MTMR3: variants seen among roughly 807,000 people sequenced by gnomAD.
MTMR3 encodes phosphatidylinositol-3,5-bisphosphate 3-phosphatase MTMR3.
MTMR3 carries 32 observed loss-of-function variants against 132.4 expected under a neutral mutation model. That is an observed-to-expected ratio of 0.24 (90% CI 0.18 to 0.32). The LOEUF is 0.32. MTMR3 is among the 10% of genes least tolerant of loss of function. The probability of loss-of-function intolerance (pLI) is 1.00; values close to 1 mark genes in which losing one functional copy is unlikely to be tolerated. For missense variants in MTMR3, 1,216 were observed against 1,489.6 expected, an observed-to-expected ratio of 0.82 and a Z score of 3.02; for synonymous variants, 556 against 550.3, an observed-to-expected ratio of 1.01 and a Z score of -0.14.
rs1301968175 is a variant in MTMR3 at position 29,991,537 on chromosome 22, G to A, written c.327G>A (p.Glu109=). 1 of 1,613,808 alleles carries A rather than the reference G, an allele frequency of 6.2e-7. No individual in the cohort carries two copies. The highest frequency in any genetic ancestry group is 1.3e-5 in the African/African-American group (1 of 74,914). Residue 109 remains glutamate (E), a synonymous_variant, in exon 7 of 20, where the codon GAG becomes GAA. Transcript: ENST00000401950. The stretch of plus-strand genomic sequence containing the variant: ...TTTCAACCTTTGAGCAGTGTCAAGA[G>A]TGGCTGAAGAGACTGAACAACGCAA... ...CQFSTFEQCQ[E]WLKRLNNAIR... is the part of the protein sequence containing the mutation.
At chr22:29,974,043 G>T (rs1488674975) in intron 3 of MTMR3, among the ~76,000 whole-genome samples, 2 of 152,118 alleles carry the variant, frequency 1.3e-5, no homozygotes, top group Non-Finnish European at 2.9e-5. Flanking sequence ...TTTTGTAGAT[G>T]ACCCCACTGA....
Position 30,025,951 on chromosome 22 carries a change from T to C in MTMR3, c.*150T>C. ...AGATTTGGGATGCACCACTGGATTG[T>C]AGATTGATTTTTCTTTCCTGTCCCC... On this transcript the variant is annotated 3_prime_UTR_variant, in exon 20 of 20. Transcript: ENST00000401950. 4 of 701,118 alleles carry C rather than the reference T, an allele frequency of 5.7e-6. No individual in the cohort carries two copies. The South Asian group carries it at 8.5e-5, about 15-fold the overall frequency. 43.4% of individuals were successfully genotyped at this position (701,118 alleles called of 1,614,324 possible).
At chr22:30,021,789 A>G (rs2067761219) in intron 17 of MTMR3, 2 of 476,518 alleles carry the variant, frequency 4.2e-6, no homozygotes, top group Non-Finnish European at 3.8e-6. Context: ...TGGAACCCTG[A>G]GGGCCTGTTT....
rs920724725 is a variant in MTMR3 at position 30,026,113 on chromosome 22, T to C, written c.*312T>C. 6 of 305,036 alleles carry C rather than the reference T, an allele frequency of 2.0e-5. No homozygotes were observed. Among genetic ancestry groups the C allele is most frequent in the African/African-American group, 4.2e-5 (2 of 47,108 alleles). The allele number at this position is 305,036 out of a possible 1,614,324, so 18.9% of individuals were successfully genotyped here. ...CCACTGTAACTGCCGAGCTGCCTGC[T>C]GTCACGTGACACTGAGGGATGGCTT... On this transcript the variant is annotated 3_prime_UTR_variant, in exon 20 of 20. Coordinates refer to ENST00000401950, the MANE Select transcript of MTMR3 (RefSeq NM_021090.4).
At chr22:30,023,343 C>T (rs2067815867) in intron 19 of MTMR3, 1 of 1,037,220 alleles carries the variant, frequency 9.6e-7, no homozygotes, top group Non-Finnish European at 1.5e-6. Context: ...GAAAATGGAA[C>T]AGTCTCTTTG....
chr22:29,940,982 A>G (rs1276871322), intron 1 of MTMR3, among the ~76,000 whole-genome samples: 1 of 149,924 alleles, frequency 6.7e-6, no homozygotes, highest in Non-Finnish European at 1.5e-5. Flanking sequence ...TCTTTTCTAG[A>G]GACACTGCAC....
intron 1 of MTMR3, among the ~76,000 whole-genome samples, chr22:29,931,464 C>T (rs1479660078): frequency 6.6e-6 from 1 of 152,162 alleles, no homozygotes; most frequent in Non-Finnish European, 1.5e-5. Context: ...CTCTGTCGCC[C>T]AGGCTGGAGT....
At chr22:29,909,721 G>A (rs575794635) in intron 1 of MTMR3, among the ~76,000 whole-genome samples, 67 of 152,176 alleles carry the variant, frequency 4.4e-4, no homozygotes, top group Non-Finnish European at 8.7e-4. Flanking sequence ...ATGTCTCTCA[G>A]CATATAACAG....
intron 1 of MTMR3, among the ~76,000 whole-genome samples, chr22:29,937,263 G>A (rs929678969): frequency 4.6e-5 from 7 of 152,026 alleles, no homozygotes; most frequent in South Asian, 4.2e-4. Context: ...ATCATTGAGC[G>A]CCTACTCGAT....
chr22:29,986,807 A>G (rs715523), intron 5 of MTMR3: 116,843 of 158,244 alleles, frequency 0.74, 43,301 homozygotes, highest in East Asian at 0.91. Flanking sequence ...GGGATTACAG[A>G]CATGCACCAA....
At chr22:30,014,161 C>G (rs2067509332) in intron 14 of MTMR3, 2 of 152,308 alleles carry the variant, frequency 1.3e-5, no homozygotes, top group Admixed American at 1.3e-4. Flanking sequence ...CAGCAGAGCT[C>G]CTCAAGTTTT....
intron 1 of MTMR3, among the ~76,000 whole-genome samples, chr22:29,886,006 G>A (rs2145692724): frequency 6.6e-6 from 1 of 152,332 alleles, no homozygotes; most frequent in South Asian, 2.1e-4. Context: ...GCACCCAGCT[G>A]TCCATTAGAA....
chr22:29,929,362 C>A (rs958107445), intron 1 of MTMR3, among the ~76,000 whole-genome samples: 3 of 152,060 alleles, frequency 2.0e-5, no homozygotes, highest in African/African-American at 7.2e-5. Flanking sequence ...TTCTGCCAAT[C>A]TTTTTGATGG....
At chr22:30,023,875 T>C (rs1363044222) in intron 19 of MTMR3, 9 of 49,832 alleles carry the variant, frequency 1.8e-4, no homozygotes, top group Admixed American at 3.4e-4. Flanking sequence ...TTTTTTCCCT[T>C]TTTTTTTTTT....
At chr22:29,899,250 G>T (rs2064960620) in intron 1 of MTMR3, among the ~76,000 whole-genome samples, 1 of 152,076 alleles carries the variant, frequency 6.6e-6, no homozygotes, top group South Asian at 2.1e-4. Flanking sequence ...TGGAAATTTT[G>T]CTATGTTGCC....
At chr22:29,919,262 G>T (rs369915612) in intron 1 of MTMR3, among the ~76,000 whole-genome samples, 1 of 152,114 alleles carries the variant, frequency 6.6e-6, no homozygotes, top group African/African-American at 2.4e-5. Flanking sequence ...CTTTAGCAAG[G>T]CATATTTTTA....
Position 29,922,640 on chromosome 22 carries a change from G to C in MTMR3, c.-137-34396G>C, listed in dbSNP as rs186041260. 2.1e-3 allele frequency among the ~76,000 whole-genome samples: 324 copies of C among 152,210 alleles called. 4 individuals are homozygous for C. Among genetic ancestry groups the C allele is most frequent in the Non-Finnish European group, 2.2e-3 (147 of 68,000 alleles). ...GTATCTGTGTATATCTGTATATCAA[G>C]TCTCTGCTTTTACTCCTTTTGGGTA... On this transcript the variant is annotated intron_variant, in intron 1 of 19. Transcript: ENST00000401950.
intron 1 of MTMR3, among the ~76,000 whole-genome samples, chr22:29,922,581 T>C (rs2145772905): frequency 6.6e-6 from 1 of 152,356 alleles, no homozygotes; most frequent in East Asian, 1.9e-4. Flanking sequence ...TTTTAGCTAT[T>C]GTGAAGAATG....
At chr22:29,962,751 A>G (rs1190385740) in intron 2 of MTMR3, among the ~76,000 whole-genome samples, 1 of 152,022 alleles carries the variant, frequency 6.6e-6, no homozygotes, top group Non-Finnish European at 1.5e-5. Context: ...GGCACCCACT[A>G]ATCTGCTTTC....
Sources: allele counts gnomAD v4.1 joint callset (sites outside exome capture counted in the v4.1 genomes callset), GRCh38; gene constraint gnomAD v4.1.1; transcripts MANE v1.5; gene names NCBI Gene and HGNC (gene_info 2026-07-23, HGNC 2026-07-21).